The following DLGAP2 variants were observed in gnomAD, a reference collection of about 807,000 sequenced individuals.
The protein encoded by DLGAP2 is DLG associated protein 2.
A neutral mutation model predicts 100.3 loss-of-function variants in DLGAP2; 26 were observed. That is an observed-to-expected ratio of 0.26 (90% CI 0.19 to 0.36). The LOEUF is 0.36. Ranked by LOEUF, DLGAP2 falls within the 10% of genes least tolerant of loss-of-function variation. DLGAP2 has a pLI of 1.00. For missense variants in DLGAP2, 1,858 were observed against 1,453.2 expected, an observed-to-expected ratio of 1.28 and a Z score of -4.53; for synonymous variants, 886 against 630.1, an observed-to-expected ratio of 1.41 and a Z score of -6.08.
chr8:1,549,705 T>G (rs1801695091), intron 5 of DLGAP2, 22 bp downstream of exon 5: 14 of 1,520,342 alleles, frequency 9.2e-6, no homozygotes, highest in Non-Finnish European at 7.1e-6. Flanking sequence ...CACGGCCCTG[T>G]GGAGGCCGTC....
At chr8:1,467,528 C>T (rs192754107) in intron 3 of DLGAP2, among the ~76,000 whole-genome samples, 6 of 152,218 alleles carry the variant, frequency 3.9e-5, no homozygotes, top group Admixed American at 3.9e-4. Context: ...CTTGGCAGAG[C>T]CCAGCACAAG....
chr8:1,415,815 A>G (rs919904794), intron 3 of DLGAP2, among the ~76,000 whole-genome samples: 2 of 152,006 alleles, frequency 1.3e-5, no homozygotes, highest in African/African-American at 4.8e-5. Context: ...AGAATGATTT[A>G]TTTTCCTTTG....
rs112998217 is a variant in DLGAP2 at position 998,787 on chromosome 8, G to A, written c.73+90821G>A. ...GGCTCATACCCTTTCTTTCCTTGGA[G>A]CTTGAATATACTGTTTCACTGTCCT... On this transcript the variant is annotated intron_variant, in intron 2 of 14. Transcript: ENST00000637795. Among the ~76,000 whole-genome samples, 897 of 152,262 alleles carry A rather than the reference G, an allele frequency of 5.9e-3. 9 individuals carry two copies. The highest frequency in any genetic ancestry group is 0.021 in the African/African-American group (856 of 41,546).
intron 4 of DLGAP2, among the ~76,000 whole-genome samples, chr8:1,516,085 G>A (rs1016567257): frequency 1.3e-5 from 2 of 151,972 alleles, no homozygotes; most frequent in Non-Finnish European, 2.9e-5. Flanking sequence ...ACATGAATGA[G>A]TGCATGAATG....
chr8:1,127,148 C>T (rs1194858108), intron 2 of DLGAP2, among the ~76,000 whole-genome samples: 1 of 147,306 alleles, frequency 6.8e-6, no homozygotes, highest in Non-Finnish European at 1.5e-5. Flanking sequence ...TCATGAGGGA[C>T]CCCACCCTGT....
At chr8:1,570,780 G>A (rs556387060) in intron 6 of DLGAP2, among the ~76,000 whole-genome samples, 44 of 144,096 alleles carry the variant, frequency 3.1e-4, no homozygotes, top group Admixed American at 6.8e-5. Flanking sequence ...GGGGGTGTCT[G>A]ATGAGATGGA....
At chr8:1,474,240 C>T (rs779253834) in intron 3 of DLGAP2, among the ~76,000 whole-genome samples, 3 of 152,186 alleles carry the variant, frequency 2.0e-5, no homozygotes, top group Non-Finnish European at 1.5e-5. Flanking sequence ...GATTTGTATT[C>T]CATGGTATAT....
intron 8 of DLGAP2, among the ~76,000 whole-genome samples, chr8:1,665,886 T>C (rs1798531609): frequency 6.6e-6 from 1 of 152,232 alleles, no homozygotes; most frequent in Non-Finnish European, 1.5e-5. Flanking sequence ...AACCCCTTTA[T>C]CGATGAGCCC....
At chr8:1,410,635 G>A (rs575074867) in intron 3 of DLGAP2, among the ~76,000 whole-genome samples, 81 of 152,194 alleles carry the variant, frequency 5.3e-4, no homozygotes, top group Non-Finnish European at 1.0e-3. Context: ...GGGGGAGCTT[G>A]TAAGTATGAA....
chr8:817,629 G>A (rs978164816), intron 1 of DLGAP2, among the ~76,000 whole-genome samples: 2 of 152,310 alleles, frequency 1.3e-5, no homozygotes, highest in African/African-American at 4.8e-5. Flanking sequence ...AAGCGCTGCT[G>A]TTCAGACTCT....
chr8:1,200,384 G>A (rs12548097), intron 2 of DLGAP2, among the ~76,000 whole-genome samples: 55,164 of 152,054 alleles, frequency 0.36, 10,276 homozygotes, highest in East Asian at 0.51. Context: ...TGTGCTTTCC[G>A]ATGTATTTCC....
intron 1 of DLGAP2, among the ~76,000 whole-genome samples, chr8:894,443 C>T (rs150834884): frequency 1.3e-5 from 2 of 151,850 alleles, no homozygotes; most frequent in African/African-American, 4.8e-5. Flanking sequence ...TACTATTTAG[C>T]CTTAAAAAAG....
At chr8:993,881 G>A (rs748720014) in intron 2 of DLGAP2, among the ~76,000 whole-genome samples, 1 of 142,096 alleles carries the variant, frequency 7.0e-6, no homozygotes, top group Non-Finnish European at 1.5e-5. Flanking sequence ...CCAGTTAGCT[G>A]TGTCGTTTCA....
At chr8:858,821 G>A (rs974830604) in intron 1 of DLGAP2, among the ~76,000 whole-genome samples, 11 of 152,342 alleles carry the variant, frequency 7.2e-5, no homozygotes, top group East Asian at 1.9e-4. Context: ...ACATGCCACC[G>A]TGCATTTCTC....
chr8:1,547,116 C>T (rs992916577), intron 4 of DLGAP2, among the ~76,000 whole-genome samples: 10 of 152,030 alleles, frequency 6.6e-5, no homozygotes, highest in African/African-American at 1.9e-4. Flanking sequence ...CTACAAATGA[C>T]GGCAGCCGGG....
intron 1 of DLGAP2, among the ~76,000 whole-genome samples, chr8:859,143 G>C (rs982342511): frequency 1.4e-4 from 21 of 146,588 alleles, no homozygotes; most frequent in African/African-American, 5.3e-4. Context: ...ATGGAGTCTC[G>C]CTCTATTGCC....
In DLGAP2 at chr8:743,616, G is replaced by A. The variant is rs558782092; in HGVS notation, c.18+5791G>A. On this transcript the variant is annotated intron_variant, in intron 1 of 14. Transcript: ENST00000637795. ...TCTCACTCCTGTGTTTCAGGTTGGAGTGAGTGGCATAATCTCAGCTCACTG... is the reference window on the plus strand; with the variant it reads ...TCTCACTCCTGTGTTTCAGGTTGGAATGAGTGGCATAATCTCAGCTCACTG... 4.6e-5 allele frequency among the ~76,000 whole-genome samples: 7 copies of A among 152,260 alleles called. No individual in the cohort carries two copies. The East Asian group carries it at 7.7e-4, about 17-fold the overall frequency.
Position 1,535,599 on chromosome 8 carries a change from G to A in DLGAP2, c.173-13027G>A, listed in dbSNP as rs553404949. 2.6e-5 allele frequency among the ~76,000 whole-genome samples: 4 copies of A among 152,314 alleles called. No homozygotes were observed. In the South Asian group the frequency reaches 8.3e-4, roughly 32 times the overall value. On this transcript the variant is annotated intron_variant, in intron 4 of 14. Transcript: ENST00000637795. ...TGTTGGTAAGATGTGTGATGGATTT[G>A]GTTTTACCAAAAATGGCAAATGTGG... is the stretch of plus-strand genomic sequence containing the variant.
intron 2 of DLGAP2, among the ~76,000 whole-genome samples, chr8:1,058,515 G>A (rs1207436738): frequency 6.6e-6 from 1 of 152,236 alleles, no homozygotes; most frequent in Non-Finnish European, 1.5e-5. Flanking sequence ...GAGGGGCCAT[G>A]CAACAACGTA....
Sources: gnomAD v4.1 joint callset for allele counts (sites outside exome capture counted in the v4.1 genomes callset) on GRCh38, gnomAD v4.1.1 for gene constraint, MANE v1.5 for transcripts, NCBI Gene and HGNC (gene_info 2026-07-23, HGNC 2026-07-21) for gene names.